Variants in SAMTOR observed in about 807,000 individuals in gnomAD.
The protein encoded by SAMTOR is S-adenosylmethionine sensor upstream of mTORC1.
chr7:112,920,115 C>A, the SAMTOR span, among the ~76,000 whole-genome samples: 1 of 152,190 alleles, frequency 6.6e-6, no homozygotes, highest in African/African-American at 2.4e-5. Context: ...CAGCATCATC[C>A]TGATACCAAA....
chr7:112,823,050 A>G, the SAMTOR span, among the ~76,000 whole-genome samples: 6 of 152,150 alleles, frequency 3.9e-5, no homozygotes, highest in African/African-American at 1.4e-4. Flanking sequence ...CAGAATAAGC[A>G]ATTTTAAAAT....
chr7:112,885,620 T>C, the SAMTOR span, among the ~76,000 whole-genome samples: 6 of 152,170 alleles, frequency 3.9e-5, no homozygotes, highest in East Asian at 3.9e-4. Flanking sequence ...CTGGACTTCA[T>C]TGTCCATATC....
At chr7:112,892,861 C>CA in the SAMTOR span, among the ~76,000 whole-genome samples, 2 of 152,046 alleles carry the variant, frequency 1.3e-5, no homozygotes, top group Non-Finnish European at 2.9e-5. Flanking sequence ...TTAGCAGGCA[C>CA]GAAAACAACA....
chr7:112,920,614 A>T, the SAMTOR span, among the ~76,000 whole-genome samples: 1 of 147,496 alleles, frequency 6.8e-6, no homozygotes, highest in Non-Finnish European at 1.5e-5. Flanking sequence ...ATTAGGCAGG[A>T]GAAGGAAATA....
the SAMTOR span, among the ~76,000 whole-genome samples, chr7:112,894,534 T>C: frequency 2.1e-4 from 32 of 152,292 alleles, no homozygotes; most frequent in African/African-American, 7.0e-4. Flanking sequence ...CACAGCTCCA[T>C]GTTGCTGGGG....
At chr7:112,920,159 T>A in the SAMTOR span, among the ~76,000 whole-genome samples, 1 of 152,192 alleles carries the variant, frequency 6.6e-6, no homozygotes, top group Non-Finnish European at 1.5e-5. Context: ...AAGAGAATTT[T>A]AGACCAATAT....
At chr7:112,929,428 G>T in the SAMTOR span, among the ~76,000 whole-genome samples, 1 of 151,926 alleles carries the variant, frequency 6.6e-6, no homozygotes, top group African/African-American at 2.4e-5. Flanking sequence ...TTATCAAAAA[G>T]ACCAGAGATA....
the SAMTOR span, chr7:112,832,706 C>A: frequency 2.5e-3 from 3,334 of 1,319,486 alleles, 4 homozygotes; most frequent in Non-Finnish European, 3.1e-3. Context: ...AGAACAAAAT[C>A]AAATATGAGA....
chr7:112,922,642 G>A, the SAMTOR span, among the ~76,000 whole-genome samples: 3 of 151,362 alleles, frequency 2.0e-5, no homozygotes, highest in Admixed American at 1.3e-4. Context: ...CCTCTGCCCG[G>A]CCATGACCCC....
At chr7:112,907,753 A>C in the SAMTOR span, among the ~76,000 whole-genome samples, 1 of 152,098 alleles carries the variant, frequency 6.6e-6, no homozygotes, top group Non-Finnish European at 1.5e-5. Flanking sequence ...CAAGCTAGAG[A>C]TACCAATTCC....
At chr7:112,856,198 C>T in the SAMTOR span, among the ~76,000 whole-genome samples, 5 of 151,318 alleles carry the variant, frequency 3.3e-5, no homozygotes, top group African/African-American at 7.3e-5. Flanking sequence ...AATTAATACC[C>T]GAATTATAGA....
At chr7:112,869,344 G>T in the SAMTOR span, among the ~76,000 whole-genome samples, 1 of 151,774 alleles carries the variant, frequency 6.6e-6, no homozygotes, top group Non-Finnish European at 1.5e-5. Context: ...TGCCTCTGTC[G>T]CCTCCTGCTG....
At chr7:112,939,513 T>G in the SAMTOR span, 1 of 1,604,766 alleles carries the variant, frequency 6.2e-7, no homozygotes, top group Non-Finnish European at 8.5e-7. Context: ...TGGTGGCCTC[T>G]TTGGAGGAGG....
At chr7:112,895,545 T>C in the SAMTOR span, 2 of 1,484,560 alleles carry the variant, frequency 1.3e-6, no homozygotes, top group East Asian at 4.6e-5. Flanking sequence ...TCCAGGATAA[T>C]CAAAGTAGAA....
At chr7:112,939,816 G>T in the SAMTOR span, 2 of 1,309,052 alleles carry the variant, frequency 1.5e-6, no homozygotes, top group Non-Finnish European at 2.1e-6. Context: ...TGGAGGAGGT[G>T]GGGTAGGAGG....
At chr7:112,874,295 G>A in the SAMTOR span, among the ~76,000 whole-genome samples, 4 of 152,000 alleles carry the variant, frequency 2.6e-5, no homozygotes, top group African/African-American at 4.8e-5. Flanking sequence ...ATCAACCTAG[G>A]TGTCCATCAA....
the SAMTOR span, among the ~76,000 whole-genome samples, chr7:112,907,798 A>G: frequency 2.0e-5 from 3 of 152,022 alleles, no homozygotes; most frequent in East Asian, 5.8e-4. Flanking sequence ...GCTGAGCCAC[A>G]TACTATGTTG....
the SAMTOR span, among the ~76,000 whole-genome samples, chr7:112,826,905 A>G: frequency 1.3e-5 from 2 of 152,278 alleles, no homozygotes; most frequent in African/African-American, 4.8e-5. Context: ...TGAAATCTCT[A>G]TAATTTTATC....
At chr7:112,820,329 A>T in the SAMTOR span, 2 of 152,534 alleles carry the variant, frequency 1.3e-5, no homozygotes, top group Non-Finnish European at 2.9e-5. Context: ...AGTGCAGTTT[A>T]TGAAATTTAG....
Sources: allele counts gnomAD v4.1 joint callset (sites outside exome capture counted in the v4.1 genomes callset), GRCh38; gene constraint gnomAD v4.1.1; transcripts MANE v1.5; gene names NCBI Gene and HGNC (gene_info 2026-07-23, HGNC 2026-07-21).